LTV1: variants seen among roughly 807,000 people sequenced by gnomAD.
LTV1 encodes the protein LTV1 ribosome biogenesis factor, also known as protein LTV1 homolog.
LTV1 carries 39 observed loss-of-function variants against 59.9 expected under a neutral mutation model. That is an observed-to-expected ratio of 0.65 (90% CI 0.50 to 0.85). The LOEUF (loss-of-function observed/expected upper bound fraction) is 0.85, where lower values mean the gene tolerates loss of function less well. LTV1 is among the 40% of genes least tolerant of loss of function. The probability of loss-of-function intolerance (pLI) is 0.00; values close to 1 mark genes in which losing one functional copy is unlikely to be tolerated. For synonymous variants in LTV1, 171 were observed against 189.5 expected (o/e 0.90, Z 0.80); for missense variants, 493 against 549.1 (o/e 0.90, Z 1.02).
chr6:143,851,647 A>G (rs1776984828), intron 4 of LTV1, among the ~76,000 whole-genome samples: 1 of 151,860 alleles, frequency 6.6e-6, no homozygotes, highest in Non-Finnish European at 1.5e-5. Flanking sequence ...ATGTAGGTAT[A>G]CACGTCATGG....
At position 143,855,183 on chromosome 6, in the gene LTV1, C is replaced by G. The variant is rs1050481719; in HGVS notation, c.398-2120C>G. ...AGTTAGCTCTTCTTGTTGCATTGTT[C>G]CCTTTACTATTATGTAATGCCCTTC... On this transcript the variant is annotated intron_variant, in intron 4 of 10. Coordinates refer to ENST00000367576, the MANE Select transcript of LTV1 (RefSeq NM_032860.5). The surrounding 1 kb of genome is among the most constrained non-coding windows in gnomAD (Gnocchi z 4.6). Among the ~76,000 whole-genome samples, 2 of 152,086 alleles carry G rather than the reference C, an allele frequency of 1.3e-5. No homozygotes were observed. Among genetic ancestry groups the G allele is most frequent in the Non-Finnish European group, 2.9e-5 (2 of 68,020 alleles).
chr6:143,860,440 T>C lies in LTV1; in HGVS notation c.810T>C (p.Tyr270=). 6.2e-7 allele frequency: 1 copy of C among 1,611,576 alleles called. No homozygotes were observed. The highest frequency in any genetic ancestry group is 8.5e-7 in the Non-Finnish European group (1 of 1,178,414). The change falls in exon 7 of 11, where the codon TAT becomes TAC. Residue 270 remains tyrosine (Y), a synonymous_variant. Transcript: ENST00000367576. ...TTATATTCAAGTTTTATGAGCAATA[T>C]GATGATGATGAAATTGGAGCTCTGG... The part of the protein sequence containing the change: ...DERFEKFYEQ[Y]DDDEIGALDN...
chr6:143,845,606 A>G (rs1382253273), intron 2 of LTV1, among the ~76,000 whole-genome samples: 1 of 152,140 alleles, frequency 6.6e-6, no homozygotes, highest in African/African-American at 2.4e-5. Flanking sequence ...TTGAACTCCA[A>G]GGCTCAAGTG....
chr6:143,848,790 G>A (rs1050247132), intron 3 of LTV1, among the ~76,000 whole-genome samples: 1 of 152,184 alleles, frequency 6.6e-6, no homozygotes, highest in Non-Finnish European at 1.5e-5. Flanking sequence ...GCTTCATGTC[G>A]GAGGGTAGGA....
rs548787178 is a variant in LTV1 at position 143,853,647 on chromosome 6, A to G, written c.397+3429A>G. On this transcript the variant is annotated intron_variant, in intron 4 of 10. Transcript: ENST00000367576. ...TATTATTTTGAGATATGTTCCATCA[A>G]TACCTAGTTTATTGAGAGTTTTTAG... 3.9e-5 allele frequency among the ~76,000 whole-genome samples: 6 copies of G among 152,328 alleles called. No homozygotes were observed. In the East Asian group the frequency reaches 7.7e-4, roughly 20 times the overall value.
intron 7 of LTV1, among the ~76,000 whole-genome samples, chr6:143,861,652 G>A (rs1298480068): frequency 6.6e-6 from 1 of 152,112 alleles, no homozygotes; most frequent in African/African-American, 2.4e-5. Flanking sequence ...TGGCAAATCA[G>A]CATCCACATC....
chr6:143,858,917 G>GT (rs1204412400), intron 6 of LTV1, among the ~76,000 whole-genome samples: 2 of 152,060 alleles, frequency 1.3e-5, no homozygotes, highest in South Asian at 2.1e-4. Context: ...AGTTATTGTC[G>GT]TTTTCCCTTT....
Position 143,862,984 on chromosome 6 carries a change from G to A in LTV1, c.1116+88G>A. The A allele has an allele frequency of 3.5e-6, 5 of 1,445,796 alleles. No individual in the cohort carries two copies. Among genetic ancestry groups the A allele is most frequent in the Non-Finnish European group, 4.9e-6 (5 of 1,029,266 alleles). 89.6% of individuals were successfully genotyped at this position (1,445,796 alleles called of 1,614,324 possible). A position where few individuals can be genotyped will look rare whatever the true frequency, so the allele number is the denominator to read the frequency against. ...TCGCACAATAACTTTTTATCTTTAT[G>A]GCTAGAGTGATATTAGAAAAAGCAT... On this transcript the variant is annotated intron_variant, in intron 9 of 10. Coordinates refer to ENST00000367576, the MANE Select transcript of LTV1 (RefSeq NM_032860.5). This position sits in a 1 kb window ranked among gnomAD's most constrained non-coding sequence, Gnocchi z 4.2.
chr6:143,857,007 G>A lies in LTV1; in HGVS notation c.398-296G>A, dbSNP rs1323434509. On this transcript the variant is annotated intron_variant, in intron 4 of 10. Transcript: ENST00000367576. The surrounding 1 kb of genome is among the most constrained non-coding windows in gnomAD (Gnocchi z 5.2). ...CTCTTCAGAGCCGGCAGGCAGGAACGTTTGAGTCTGCTGAAGCTGTGCCCA... is the reference window on the plus strand; with the variant it reads ...CTCTTCAGAGCCGGCAGGCAGGAACATTTGAGTCTGCTGAAGCTGTGCCCA... 1.3e-5 allele frequency among the ~76,000 whole-genome samples: 2 copies of A among 152,192 alleles called. No individual in the cohort carries two copies. The highest frequency in any genetic ancestry group is 2.9e-5 in the Non-Finnish European group (2 of 68,036).
intron 6 of LTV1, chr6:143,858,256 G>A (rs1483123546): frequency 4.9e-6 from 2 of 412,072 alleles, no homozygotes; most frequent in Non-Finnish European, 9.0e-6. Flanking sequence ...TTAGGAGGAT[G>A]TGACTTTTCC....
rs902183120 is a variant in LTV1 at position 143,862,960 on chromosome 6, C to T, written c.1116+64C>T. 97 of 1,458,204 alleles carry T rather than the reference C, an allele frequency of 6.7e-5. No individual in the cohort carries two copies. The South Asian group carries it at 8.4e-4, about 13-fold the overall frequency. 90.3% of individuals were successfully genotyped at this position (1,458,204 alleles called of 1,614,324 possible). ...GCATAAAAAATAGAGTGCACATTTT[C>T]GCACAATAACTTTTTATCTTTATGG... On this transcript the variant is annotated intron_variant, in intron 9 of 10. Transcript: ENST00000367576. The surrounding 1 kb of genome is among the most constrained non-coding windows in gnomAD (Gnocchi z 4.2).
chr6:143,847,252 TGAA>T (rs1776909111), intron 3 of LTV1, among the ~76,000 whole-genome samples: 1 of 152,238 alleles, frequency 6.6e-6, no homozygotes, highest in Non-Finnish European at 1.5e-5. Flanking sequence ...TATAACCTAT[TGAA>T]GGAGAGAAGG....
chr6:143,857,261 G>A lies in LTV1; in HGVS notation c.398-42G>A. On this transcript the variant is annotated intron_variant, in intron 4 of 10. Coordinates refer to ENST00000367576, the MANE Select transcript of LTV1 (RefSeq NM_032860.5). The surrounding 1 kb of genome is among the most constrained non-coding windows in gnomAD (Gnocchi z 5.2). ...TTGTGAGTTAAGTGAATGAATTGTTGCTATCTTGGGAATTACTGCTTAATT... is the reference window on the plus strand; with the variant it reads ...TTGTGAGTTAAGTGAATGAATTGTTACTATCTTGGGAATTACTGCTTAATT... 6.2e-7 allele frequency: 1 copy of A among 1,608,360 alleles called. No homozygotes were observed. Among genetic ancestry groups the A allele is most frequent in the South Asian group, 1.1e-5 (1 of 90,538 alleles).
At chr6:143,851,634 G>A (rs1025589032) in intron 4 of LTV1, among the ~76,000 whole-genome samples, 1 of 151,580 alleles carries the variant, frequency 6.6e-6, no homozygotes, top group Non-Finnish European at 1.5e-5. Context: ...GTGCAGGTTT[G>A]TTATGTAGGT....
In LTV1 at chr6:143,862,239, T is replaced by C. The variant is rs56155985; in HGVS notation, c.1059T>C (p.Ile353=). The part of the protein sequence containing the change: ...EAKEKWDCES[I]CSTYSNLYNH... ...AAGAGAAGTGGGATTGTGAATCTAT[T>C]TGTAGTAAGTATATTCACTTTATGA... is the stretch of plus-strand genomic sequence containing the variant. Residue 353 remains isoleucine (I), a synonymous_variant, in exon 8 of 11, where the codon ATT becomes ATC. Transcript: ENST00000367576. This position sits in a 1 kb window ranked among gnomAD's most constrained non-coding sequence, Gnocchi z 4.2. 0.017 allele frequency: 27,255 copies of C among 1,611,770 alleles called. 1,628 individuals are homozygous for C. In the African/African-American group the frequency reaches 0.19, roughly 11 times the overall value.
intron 4 of LTV1, among the ~76,000 whole-genome samples, chr6:143,852,911 T>G (rs910001524): frequency 3.9e-5 from 6 of 152,138 alleles, no homozygotes; most frequent in Non-Finnish European, 7.4e-5. Flanking sequence ...GGCCTCTGTT[T>G]TGTTCCATTG....
At chr6:143,852,708 C>A (rs553862717) in intron 4 of LTV1, among the ~76,000 whole-genome samples, 1 of 152,226 alleles carries the variant, frequency 6.6e-6, no homozygotes, top group Middle Eastern at 3.4e-3. Flanking sequence ...TTAGGTCTTA[C>A]GTTGAAGTCT....
In LTV1 at chr6:143,862,810, C is replaced by T; in HGVS notation, c.1064-34C>T. ...AATGCTTTGTGGAACTGAAAACATG[C>T]TTACTGATACATGACTTTTATTTGT... On this transcript the variant is annotated intron_variant, in intron 8 of 10. Transcript: ENST00000367576. The surrounding 1 kb of genome is among the most constrained non-coding windows in gnomAD (Gnocchi z 4.2). The T allele has an allele frequency of 7.6e-7, 1 of 1,318,658 alleles. No individual in the cohort carries two copies. Among genetic ancestry groups the T allele is most frequent in the African/African-American group, 1.4e-5 (1 of 68,968 alleles). 81.7% of individuals were successfully genotyped at this position (1,318,658 alleles called of 1,614,324 possible). A position where few individuals can be genotyped will look rare whatever the true frequency, so the allele number is the denominator to read the frequency against.
At chr6:143,846,529 C>T (rs2128490896) in intron 3 of LTV1, among the ~76,000 whole-genome samples, 1 of 152,268 alleles carries the variant, frequency 6.6e-6, no homozygotes, top group African/African-American at 2.4e-5. Flanking sequence ...TACATGTTAA[C>T]AACATAACTG....
Sources: allele counts gnomAD v4.1 joint callset (sites outside exome capture counted in the v4.1 genomes callset), GRCh38; gene constraint gnomAD v4.1.1; non-coding constraint Gnocchi (gnomAD v3.1); transcripts MANE v1.5; gene names NCBI Gene and HGNC (gene_info 2026-07-23, HGNC 2026-07-21).